Variants in ZNF275 observed in about 807,000 individuals in gnomAD.
The protein encoded by ZNF275 is zinc finger protein 275.
ZNF275 carries 4 observed loss-of-function variants against 4.3 expected under a neutral mutation model. The ratio of observed to expected loss-of-function variants is 0.93; its 90% CI spans 0.46 to 2.13. The LOEUF (loss-of-function observed/expected upper bound fraction) is 2.13, where lower values mean the gene tolerates loss of function less well. Ranked by LOEUF, ZNF275 falls within the 30% of genes most tolerant of loss-of-function variation. ZNF275 has a pLI of 0.02. For missense variants in ZNF275, 352 were observed against 397.1 expected (o/e 0.89, Z 0.97); for synonymous variants, 173 against 166.9 (o/e 1.04, Z -0.28).
intron 2 of ZNF275, among the ~76,000 whole-genome samples, chrX:153,337,622 A>G (rs781887919): frequency 8.9e-6 from 1 of 112,379 alleles, no homozygotes; most frequent in Non-Finnish European, 1.9e-5. Flanking sequence ...TAGAAAGCAT[A>G]ATTTTTCAAA....
chrX:153,336,645 C>G lies in ZNF275; in HGVS notation c.-35C>G. 1 of 1,165,135 alleles carries G rather than the reference C, an allele frequency of 8.6e-7. No homozygotes were observed. The highest frequency in any genetic ancestry group is 1.1e-6 in the Non-Finnish European group (1 of 870,704). ...TTGCAATCCAACAGATGGGGCCTTA[C>G]CTGCCAGGCTGATCCCTTGGAGTAG... On this transcript the variant is annotated 5_prime_UTR_variant, in exon 2 of 4. It introduces an in-frame stop codon into an upstream open reading frame of the 5' UTR. Transcript: ENST00000650114.
chrX:153,336,445 C>T (rs939724107), intron 1 of ZNF275, among the ~76,000 whole-genome samples, 189 bp from the exon 2 acceptor site: 7 of 112,840 alleles, frequency 6.2e-5, no homozygotes, highest in African/African-American at 1.9e-4. Flanking sequence ...CCAGGCTCAG[C>T]GTGGCCCAGG....
At chrX:153,346,503 T>C (rs1295874792) in intron 3 of ZNF275, among the ~76,000 whole-genome samples, 2 of 108,906 alleles carry the variant, frequency 1.8e-5, no homozygotes, top group South Asian at 4.0e-4. Flanking sequence ...CCTTTGGAGA[T>C]TCAAGTTATG....
At position 153,345,463 on chromosome X, in the gene ZNF275, A is replaced by T. The variant is rs1569528012; in HGVS notation, c.32-57A>T. On this transcript the variant is annotated intron_variant, in intron 2 of 3. Transcript: ENST00000650114. Reference sequence around the variant, plus strand: ...TCAAAGGCCTTGCCTATGTTCCTCCACTATTCTCATGTCATCTCTGGCTGT... The same window carrying T: ...TCAAAGGCCTTGCCTATGTTCCTCCTCTATTCTCATGTCATCTCTGGCTGT... 3 of 992,507 alleles carry T rather than the reference A, an allele frequency of 3.0e-6. No homozygotes were observed. In the East Asian group the frequency reaches 9.3e-5, roughly 31 times the overall value. 81.8% of individuals were successfully genotyped at this position (992,507 alleles called of 1,213,427 possible).
In ZNF275 at chrX:153,349,003, T is replaced by C. The variant is rs1247636110; in HGVS notation, c.*1028T>C. 8.1e-6 allele frequency: 1 copy of C among 123,197 alleles called. No homozygotes were observed. Among genetic ancestry groups the C allele is most frequent in the Non-Finnish European group, 1.9e-5 (1 of 53,267 alleles). 10.2% of individuals were successfully genotyped at this position (123,197 alleles called of 1,213,427 possible). On this transcript the variant is annotated 3_prime_UTR_variant, in exon 4 of 4. Coordinates refer to ENST00000650114, the MANE Select transcript of ZNF275 (RefSeq NM_001367757.1). ...GGGGTTGTTTTGAACTAATGGGTCT[T>C]GTCCTCAAGCAGCACTATTTTGTTC...
Position 153,347,664 on chromosome X carries a change from G to T in ZNF275, c.979G>T (p.Gly327Cys). The stretch of plus-strand genomic sequence containing the variant: ...GAAGCCCTACGCCTGCGGCCAGTGC[G>T]GCAAGGCCTTCCGCCAGAGCTCCAG... ...GEKPYACGQC[G>C]KAFRQSSSLL... The change falls in exon 4 of 4, where the codon GGC becomes TGC. Residue 327 changes from glycine (G) to cysteine (C), a missense_variant. Gly to Cys is a radical substitution (Grantham distance 159). Transcript: ENST00000650114. 8.3e-7 allele frequency: 1 copy of T among 1,206,696 alleles called. No homozygotes were observed. Among genetic ancestry groups the T allele is most frequent in the Non-Finnish European group, 1.1e-6 (1 of 892,669 alleles).
In ZNF275 at chrX:153,349,669, G is replaced by A. The variant is rs1238171201; in HGVS notation, c.*1694G>A. On this transcript the variant is annotated 3_prime_UTR_variant, in exon 4 of 4. Coordinates refer to ENST00000650114, the MANE Select transcript of ZNF275 (RefSeq NM_001367757.1). ...CATTGCTTCTGTAGCTAGATATGAT[G>A]ACATTTTCTCTAGAATTTTAATTAC... 8.1e-6 allele frequency: 1 copy of A among 123,508 alleles called. No individual in the cohort carries two copies. Among genetic ancestry groups the A allele is most frequent in the Non-Finnish European group, 1.9e-5 (1 of 53,318 alleles). The allele number at this position is 123,508 out of a possible 1,213,427, so 10.2% of individuals were successfully genotyped here. A position where few individuals can be genotyped will look rare whatever the true frequency, so the allele number is the denominator to read the frequency against.
At chrX:153,336,376 G>C (rs982363648) in intron 1 of ZNF275, among the ~76,000 whole-genome samples, 1 of 112,854 alleles carries the variant, frequency 8.9e-6, no homozygotes, top group Non-Finnish European at 1.9e-5. Context: ...GGACGGGATG[G>C]GCCCACGTGG....
At chrX:153,340,933 T>C (rs1556961005) in intron 2 of ZNF275, among the ~76,000 whole-genome samples, 1 of 112,127 alleles carries the variant, frequency 8.9e-6, no homozygotes, top group Non-Finnish European at 1.9e-5. Context: ...AACCCTCCAG[T>C]TTTCTTCCTG....
At chrX:153,337,653 A>G (rs1489318995) in intron 2 of ZNF275, among the ~76,000 whole-genome samples, 1 of 112,275 alleles carries the variant, frequency 8.9e-6, no homozygotes, top group Non-Finnish European at 1.9e-5. Context: ...GTAGGTTGAC[A>G]TTGACATCAC....
Position 153,347,476 on chromosome X carries a change from C to T in ZNF275, c.791C>T (p.Pro264Leu), listed in dbSNP as rs782038335. 8.3e-7 allele frequency: 1 copy of T among 1,205,367 alleles called. No individual in the cohort carries two copies. The highest frequency in any genetic ancestry group is 1.8e-5 in the South Asian group (1 of 55,703). ...CAGCGCATGCACACTGGCCACCTGCCCTTCGACTGCGACGACTGCGGCAAG... is the reference window on the plus strand; with the variant it reads ...CAGCGCATGCACACTGGCCACCTGCTCTTCGACTGCGACGACTGCGGCAAG... ...KHQRMHTGHL[P>L]FDCDDCGKSF... Residue 264 changes from proline to leucine, a missense_variant, in exon 4 of 4, where the codon CCC becomes CTC. Physicochemically the swap from Pro to Leu is moderately conservative, Grantham distance 98. Coordinates refer to ENST00000650114, the MANE Select transcript of ZNF275 (RefSeq NM_001367757.1).
rs2088522909 is a variant in ZNF275 at position 153,347,192 on chromosome X, G to A, written c.507G>A (p.Glu169=). 1.7e-6 allele frequency: 2 copies of A among 1,208,382 alleles called. No individual in the cohort carries two copies. Among genetic ancestry groups the A allele is most frequent in the Non-Finnish European group, 2.2e-6 (2 of 894,202 alleles). The change falls in exon 4 of 4, where the codon GAG becomes GAA. Residue 169 remains glutamate, a synonymous_variant. Coordinates refer to ENST00000650114, the MANE Select transcript of ZNF275 (RefSeq NM_001367757.1). ...GTAGGGCCCTGGAGAATGCCGCGGA[G>A]AAGAGGGAGCAGATGGAGAGGGAGG... The part of the protein sequence containing the change: ...GPSRALENAA[E]KREQMEREAK...
intron 3 of ZNF275, among the ~76,000 whole-genome samples, chrX:153,346,216 G>T (rs2088513814): frequency 9.1e-6 from 1 of 110,465 alleles, no homozygotes; most frequent in Non-Finnish European, 1.9e-5. Flanking sequence ...GGGCCCAGCT[G>T]AGCTCTTGGA....
Position 153,347,845 on chromosome X carries a change from G to A in ZNF275, c.1160G>A (p.Arg387His), listed in dbSNP as rs782189447. Residue 387 changes from arginine to histidine, a missense_variant, in exon 4 of 4, where the codon CGC becomes CAC. By Grantham distance (29) the Arg-to-His change is conservative. Coordinates refer to ENST00000650114, the MANE Select transcript of ZNF275 (RefSeq NM_001367757.1). ...TGCGACAAATGCGGCAAGGCCTTCCGCCGGAGCTCCGGCCTCAGTCGCCAC... is the reference window on the plus strand; with the variant it reads ...TGCGACAAATGCGGCAAGGCCTTCCACCGGAGCTCCGGCCTCAGTCGCCAC... ...YECDKCGKAFRRSSGLSRHRR... is the reference protein window; with the variant it reads ...YECDKCGKAFHRSSGLSRHRR... 4.0e-5 allele frequency: 48 copies of A among 1,207,466 alleles called. No homozygotes were observed. In the Admixed American group the frequency reaches 7.0e-4, roughly 18 times the overall value.
chrX:153,337,837 G>A (rs1198758691), intron 2 of ZNF275, among the ~76,000 whole-genome samples: 1 of 111,800 alleles, frequency 8.9e-6, no homozygotes, highest in Non-Finnish European at 1.9e-5. Context: ...TACCACTTAC[G>A]TTAAGGGTTG....
rs782730660 is a variant in ZNF275 at position 153,346,831 on chromosome X, C to A, written c.146C>A (p.Ala49Glu). ...DPAKYSESTSATRHQMKGEDA... is the reference protein window; with the variant it reads ...DPAKYSESTSETRHQMKGEDA... ...TTTATCGTTTCAGAAAGCACCTCCG[C>A]GACCCGACACCAGATGAAGGGGGAA... Residue 49 changes from alanine to glutamate, a missense_variant, in exon 4 of 4, where the codon GCG (alanine) becomes GAG (glutamate). Physicochemically the swap from Ala to Glu is moderately radical, Grantham distance 107. Transcript: ENST00000650114. The A allele has an allele frequency of 3.4e-6, 4 of 1,192,449 alleles. No individual in the cohort carries two copies. The African/African-American group carries it at 5.3e-5, about 16-fold the overall frequency.
Position 153,347,993 on chromosome X carries a change from G to A in ZNF275, c.*18G>A, listed in dbSNP as rs782332156. 10 of 1,097,886 alleles carry A rather than the reference G, an allele frequency of 9.1e-6. No individual in the cohort carries two copies. In the South Asian group the frequency reaches 9.3e-5, roughly 10 times the overall value. The allele number at this position is 1,097,886 out of a possible 1,213,427, so 90.5% of individuals were successfully genotyped here. ...ACGAGTAGAAACGCCCTGTGGTCCC[G>A]CGGGACAGGGACGGAGTCCCCAGAG... On this transcript the variant is annotated 3_prime_UTR_variant, in exon 4 of 4. Transcript: ENST00000650114.
At position 153,350,266 on chromosome X, in the gene ZNF275, C is replaced by T. The variant is rs782371912; in HGVS notation, c.*2291C>T. ...GCAGAGGCTCGGAGAGGAACCCTGCCCCTCCGATGGCTTGTGCGTTATGCT... is the reference window on the plus strand; with the variant it reads ...GCAGAGGCTCGGAGAGGAACCCTGCTCCTCCGATGGCTTGTGCGTTATGCT... On this transcript the variant is annotated 3_prime_UTR_variant, in exon 4 of 4. Transcript: ENST00000650114. 161 of 124,117 alleles carry T rather than the reference C, an allele frequency of 1.3e-3. 1 individual carries two copies. The highest frequency in any genetic ancestry group is 5.0e-3 in the African/African-American group (156 of 31,113). 10.2% of individuals were successfully genotyped at this position (124,117 alleles called of 1,213,427 possible).
Position 153,347,057 on chromosome X carries a change from TGAG to T in ZNF275, c.376_378del (p.Glu126del), listed in dbSNP as rs2088521350. Reference sequence around the variant, plus strand: ...TTGTCCAGCACCAGAGAGTCCACAGTGAGGAGAAGGGCTGGGAATGTGGCGACT... The same window carrying T: ...TTGTCCAGCACCAGAGAGTCCACAGTGAGAAGGGCTGGGAATGTGGCGACT... On this transcript the variant is annotated inframe_deletion, in exon 4 of 4. Coordinates refer to ENST00000650114, the MANE Select transcript of ZNF275 (RefSeq NM_001367757.1). 1 of 1,210,813 alleles carries T rather than the reference TGAG, an allele frequency of 8.3e-7. No individual in the cohort carries two copies. Among genetic ancestry groups the T allele is most frequent in the Non-Finnish European group, 1.1e-6 (1 of 895,196 alleles).
Sources: gnomAD v4.1 joint callset for allele counts (sites outside exome capture counted in the v4.1 genomes callset) on GRCh38, gnomAD v4.1.1 for gene constraint, MANE v1.5 for transcripts, NCBI Gene and HGNC (gene_info 2026-07-23, HGNC 2026-07-21) for gene names.